The following MITF variants were observed in gnomAD, a reference collection of about 807,000 sequenced individuals.
The protein encoded by MITF is microphthalmia-associated transcription factor.
In MITF, 17 loss-of-function variants were observed where a neutral mutation model predicts 60.5. That is an observed-to-expected ratio of 0.28 (90% CI 0.19 to 0.42). The LOEUF (loss-of-function observed/expected upper bound fraction) is 0.42, where lower values mean the gene tolerates loss of function less well. Among genes scored for constraint, MITF ranks in the 10% least tolerant of loss-of-function variants. The pLI is 1.00. For synonymous variants in MITF, 260 were observed against 248.5 expected (o/e 1.05, Z -0.43); for missense variants, 622 against 683.5 (o/e 0.91, Z 1.00).
intron 2 of MITF, among the ~76,000 whole-genome samples, chr3:69,883,203 A>T (rs1274921276): frequency 6.6e-6 from 1 of 152,296 alleles, no homozygotes; most frequent in East Asian, 1.9e-4. Context: ...CCTTTTCTCC[A>T]AATCATCTCA....
intron 1 of MITF, among the ~76,000 whole-genome samples, chr3:69,792,318 A>G (rs1346258668): frequency 6.6e-6 from 1 of 152,188 alleles, no homozygotes; most frequent in East Asian, 1.9e-4. Flanking sequence ...AGCAGCACTC[A>G]CTGGTAAAAA....
intron 1 of MITF, among the ~76,000 whole-genome samples, chr3:69,797,457 G>T (rs1013568066): frequency 2.6e-5 from 4 of 152,038 alleles, no homozygotes; most frequent in Non-Finnish European, 5.9e-5. Context: ...AGACAGGAAA[G>T]ATTTTCTATT....
chr3:69,803,005 G>A (rs1400211817), intron 1 of MITF, among the ~76,000 whole-genome samples: 2 of 151,796 alleles, frequency 1.3e-5, no homozygotes, highest in African/African-American at 4.8e-5. Context: ...TCGAACTCCC[G>A]ACCTCAGGCG....
intron 7 of MITF, among the ~76,000 whole-genome samples, chr3:69,955,411 A>C (rs912440094): frequency 2.6e-5 from 4 of 152,220 alleles, no homozygotes; most frequent in African/African-American, 9.6e-5. Flanking sequence ...TACTACTAGA[A>C]AATTTAAACT....
chr3:69,839,761 AAAGT>A (rs2063602162), intron 1 of MITF, among the ~76,000 whole-genome samples: 1 of 152,164 alleles, frequency 6.6e-6, no homozygotes, highest in East Asian at 1.9e-4. Context: ...TAAAAAAAAA[AAAGT>A]AAGGGAATTT....
At chr3:69,929,868 TC>T (rs2065678808) in intron 2 of MITF, among the ~76,000 whole-genome samples, 1 of 152,108 alleles carries the variant, frequency 6.6e-6, no homozygotes, top group African/African-American at 2.4e-5. Context: ...CTGATTATTT[TC>T]TGAAGATGGA....
rs200520789 is a variant in MITF at position 69,959,225 on chromosome 3, T to C, written c.1032-48T>C. On this transcript the variant is annotated intron_variant, in intron 8 of 9. Transcript: ENST00000352241. Reference sequence around the variant, plus strand: ...AGTGCTTTGAATATTGAATTTTCATTGAGCCTCAAATCCTAAAAATATCTG... The same window carrying C: ...AGTGCTTTGAATATTGAATTTTCATCGAGCCTCAAATCCTAAAAATATCTG... 1.6e-5 allele frequency: 25 copies of C among 1,607,608 alleles called. No homozygotes were observed. In the East Asian group the frequency reaches 5.2e-4, roughly 33 times the overall value.
At chr3:69,837,101 A>T (rs2063552102) in intron 1 of MITF, among the ~76,000 whole-genome samples, 2 of 152,146 alleles carry the variant, frequency 1.3e-5, no homozygotes, top group Non-Finnish European at 2.9e-5. Context: ...ACAGCTTCAC[A>T]CTATTTGTCC....
chr3:69,894,202 G>A (rs573557171), intron 2 of MITF, among the ~76,000 whole-genome samples: 5 of 152,132 alleles, frequency 3.3e-5, no homozygotes, highest in East Asian at 1.9e-4. Context: ...ACAGCCTTTC[G>A]CCCCTAAGCC....
intron 5 of MITF, among the ~76,000 whole-genome samples, chr3:69,945,160 G>A (rs1405122686): frequency 6.6e-6 from 1 of 152,112 alleles, no homozygotes; most frequent in African/African-American, 2.4e-5. Flanking sequence ...CAGAAAAGGG[G>A]ACCATCCAGA....
intron 1 of MITF, among the ~76,000 whole-genome samples, chr3:69,775,173 T>C (rs747529331): frequency 3.3e-5 from 5 of 152,166 alleles, no homozygotes; most frequent in Admixed American, 6.5e-5. Flanking sequence ...AATTATTCTA[T>C]ATGCATCCGT....
chr3:69,801,175 G>T (rs112589699), intron 1 of MITF, among the ~76,000 whole-genome samples: 6 of 151,636 alleles, frequency 4.0e-5, no homozygotes, highest in Admixed American at 3.9e-4. Context: ...CTCGGCTGAC[G>T]TTAGCCAAGC....
At chr3:69,773,426 G>A (rs2062423355) in intron 1 of MITF, among the ~76,000 whole-genome samples, 1 of 152,188 alleles carries the variant, frequency 6.6e-6, no homozygotes, top group Non-Finnish European at 1.5e-5. Flanking sequence ...CCAGTGTGGT[G>A]GGGGAAAACA....
intron 9 of MITF, among the ~76,000 whole-genome samples, chr3:69,963,781 A>G (rs1483519684): frequency 1.3e-5 from 2 of 152,096 alleles, no homozygotes; most frequent in Admixed American, 6.5e-5. Flanking sequence ...GCACAGTCTG[A>G]TGCTAGAAGA....
chr3:69,959,188 A>C (rs1440978303), intron 8 of MITF, 85 bp from the exon 9 acceptor site: 1 of 1,507,946 alleles, frequency 6.6e-7, no homozygotes, highest in East Asian at 2.4e-5. Context: ...TAAAAAGTTC[A>C]AAAAGAAATG....
intron 1 of MITF, among the ~76,000 whole-genome samples, chr3:69,854,449 A>C (rs1467366538): frequency 6.6e-6 from 1 of 152,170 alleles, no homozygotes; most frequent in African/African-American, 2.4e-5. Flanking sequence ...GATTAGTTCT[A>C]ATACCTGGTA....
chr3:69,909,840 AT>A (rs201850791), intron 2 of MITF, among the ~76,000 whole-genome samples: 2,842 of 152,340 alleles, frequency 0.019, 75 homozygotes, highest in African/African-American at 0.064. Flanking sequence ...AAAACAGAGC[AT>A]AAAAGTTCAG....
intron 2 of MITF, among the ~76,000 whole-genome samples, chr3:69,922,963 C>T (rs777513935): frequency 1.3e-5 from 2 of 152,162 alleles, no homozygotes; most frequent in Non-Finnish European, 2.9e-5. Context: ...CCGTTGCTGG[C>T]TTGAGGGGCT....
intron 1 of MITF, among the ~76,000 whole-genome samples, chr3:69,808,235 T>C (rs1677929175): frequency 6.6e-6 from 1 of 151,794 alleles, no homozygotes; most frequent in African/African-American, 2.4e-5. Flanking sequence ...TGTAAAAGTA[T>C]TTACAGGGGA....
Sources: gnomAD v4.1 joint callset for allele counts (sites outside exome capture counted in the v4.1 genomes callset) on GRCh38, gnomAD v4.1.1 for gene constraint, MANE v1.5 for transcripts, NCBI Gene and HGNC (gene_info 2026-07-23, HGNC 2026-07-21) for gene names.